Variants in VPS13B observed in about 807,000 individuals in gnomAD.
The protein encoded by VPS13B is vacuolar protein sorting 13 homolog B.
VPS13B carries 285 observed loss-of-function variants against 426.4 expected under a neutral mutation model. The ratio of observed to expected loss-of-function variants is 0.67; its 90% CI spans 0.61 to 0.74. The LOEUF (loss-of-function observed/expected upper bound fraction) is 0.74, where lower values mean the gene tolerates loss of function less well. Ranked by LOEUF, VPS13B falls within the 30% of genes least tolerant of loss-of-function variation. The pLI is 0.00. For synonymous variants in VPS13B, 1,676 were observed against 1,676.4 expected (o/e 1.00, Z 0.01); for missense variants, 4,537 against 4,782.6 (o/e 0.95, Z 1.51).
At chr8:99,861,177 T>C (rs1006170353) in intron 57 of VPS13B, among the ~76,000 whole-genome samples, 2 of 152,214 alleles carry the variant, frequency 1.3e-5, no homozygotes, top group Non-Finnish European at 1.5e-5. Context: ...AATTAAATTA[T>C]AGTGAAGGAT....
intron 47 of VPS13B, 73 bp from the exon 48 acceptor site, chr8:99,819,339 G>A (rs1368526386): frequency 6.5e-7 from 1 of 1,533,018 alleles, no homozygotes; most frequent in Non-Finnish European, 9.0e-7. Context: ...TTTGTAGTTA[G>A]ATATTTTTCA....
intron 2 of VPS13B, among the ~76,000 whole-genome samples, chr8:99,032,798 C>T (rs912278033): frequency 4.6e-5 from 7 of 152,020 alleles, no homozygotes; most frequent in African/African-American, 1.7e-4. Flanking sequence ...CCTCAGCCTC[C>T]CAAAGTGCTG....
intron 17 of VPS13B, among the ~76,000 whole-genome samples, chr8:99,204,114 C>T (rs1267946557): frequency 6.6e-6 from 1 of 152,144 alleles, no homozygotes; most frequent in South Asian, 2.1e-4. Context: ...AAATATGCTA[C>T]AAGGTTACTG....
intron 3 of VPS13B, among the ~76,000 whole-genome samples, chr8:99,087,262 C>G (rs138308374): frequency 2.6e-5 from 4 of 152,260 alleles, no homozygotes; most frequent in East Asian, 1.9e-4. Flanking sequence ...CAGCCATGTG[C>G]GGGATTTAAT....
chr8:99,326,378 GGTAA>G (rs1810259012), intron 19 of VPS13B, among the ~76,000 whole-genome samples: 1 of 147,294 alleles, frequency 6.8e-6, no homozygotes, highest in African/African-American at 2.5e-5. Context: ...TTGTCTAATT[GGTAA>G]GTAAGTAGTT....
At chr8:99,542,142 G>A (rs920884358) in intron 30 of VPS13B, among the ~76,000 whole-genome samples, 8 of 152,124 alleles carry the variant, frequency 5.3e-5, no homozygotes, top group African/African-American at 1.9e-4. Flanking sequence ...GCCCGCCTTG[G>A]CCTCCCAAAG....
intron 20 of VPS13B, among the ~76,000 whole-genome samples, chr8:99,386,813 A>C (rs1429971026): frequency 6.6e-6 from 1 of 152,086 alleles, no homozygotes; most frequent in Non-Finnish European, 1.5e-5. Flanking sequence ...TTTACAGAAA[A>C]TAAAAATTAG....
At chr8:99,058,074 T>C (rs986577038) in intron 3 of VPS13B, among the ~76,000 whole-genome samples, 5 of 152,134 alleles carry the variant, frequency 3.3e-5, no homozygotes, top group Non-Finnish European at 7.4e-5. Context: ...GACCTCCAGG[T>C]GTTCCCAAGT....
chr8:99,078,873 T>C (rs984071524), intron 3 of VPS13B, among the ~76,000 whole-genome samples: 1 of 151,926 alleles, frequency 6.6e-6, no homozygotes, highest in Non-Finnish European at 1.5e-5. Flanking sequence ...AGCAAGTTGG[T>C]ATATAGGCCC....
chr8:99,089,293 T>G (rs890968296), intron 3 of VPS13B, among the ~76,000 whole-genome samples: 1 of 152,138 alleles, frequency 6.6e-6, no homozygotes, highest in Non-Finnish European at 1.5e-5. Context: ...GTTTGTCTCT[T>G]TTTCATCCAT....
At chr8:99,050,639 C>T (rs1217596841) in intron 3 of VPS13B, among the ~76,000 whole-genome samples, 1 of 152,198 alleles carries the variant, frequency 6.6e-6, no homozygotes, top group Non-Finnish European at 1.5e-5. Flanking sequence ...AACTAGTTTA[C>T]AGTCCCACCA....
chr8:99,643,084 C>T (rs755511643), intron 34 of VPS13B, among the ~76,000 whole-genome samples: 3 of 152,082 alleles, frequency 2.0e-5, no homozygotes, highest in Non-Finnish European at 2.9e-5. Flanking sequence ...ATGAAACTTC[C>T]GAAGCTTTTT....
At chr8:99,797,335 G>A (rs1031544503) in intron 43 of VPS13B, among the ~76,000 whole-genome samples, 1 of 151,966 alleles carries the variant, frequency 6.6e-6, no homozygotes, top group Non-Finnish European at 1.5e-5. Flanking sequence ...TGACTCCGGG[G>A]CTCAAGCGAT....
At chr8:99,783,030 A>G (rs1335569998) in intron 42 of VPS13B, among the ~76,000 whole-genome samples, 1 of 152,114 alleles carries the variant, frequency 6.6e-6, no homozygotes, top group Non-Finnish European at 1.5e-5. Context: ...CCACTTCACC[A>G]CCTGCAGCAT....
intron 21 of VPS13B, among the ~76,000 whole-genome samples, chr8:99,412,486 T>G (rs2133361416): frequency 6.6e-6 from 1 of 152,308 alleles, no homozygotes; most frequent in East Asian, 1.9e-4. Context: ...CTGGTGGGGT[T>G]TTCTAAATAT....
chr8:99,300,313 C>G (rs987029547), intron 19 of VPS13B, among the ~76,000 whole-genome samples: 2 of 152,158 alleles, frequency 1.3e-5, no homozygotes, highest in Non-Finnish European at 1.5e-5. Context: ...TTAATGTGCA[C>G]TTTGATAAAC....
chr8:99,175,417 G>A (rs746470912), intron 16 of VPS13B, among the ~76,000 whole-genome samples: 2 of 152,162 alleles, frequency 1.3e-5, no homozygotes, highest in Non-Finnish European at 2.9e-5. Flanking sequence ...TGTTATGAAT[G>A]CATACAATTT....
intron 17 of VPS13B, among the ~76,000 whole-genome samples, chr8:99,269,140 C>T (rs1014675337): frequency 6.6e-6 from 1 of 152,132 alleles, no homozygotes; most frequent in Non-Finnish European, 1.5e-5. Flanking sequence ...TTATAAATTA[C>T]CCAGTCTCGA....
At chr8:99,698,783 T>C (rs527880795) in intron 35 of VPS13B, among the ~76,000 whole-genome samples, 1 of 152,254 alleles carries the variant, frequency 6.6e-6, no homozygotes, top group South Asian at 2.1e-4. Flanking sequence ...ATAATAGAAA[T>C]AGAGTGATTT....
Sources: allele counts gnomAD v4.1 joint callset (sites outside exome capture counted in the v4.1 genomes callset), GRCh38; gene constraint gnomAD v4.1.1; transcripts MANE v1.5; gene names NCBI Gene and HGNC (gene_info 2026-07-23, HGNC 2026-07-21).